The following ROCK1 variants were observed in gnomAD, a reference collection of about 807,000 sequenced individuals.
The protein encoded by ROCK1 is Rho associated coiled-coil containing protein kinase 1.
In ROCK1, 36 loss-of-function variants were observed where a neutral mutation model predicts 196.8. The ratio of observed to expected loss-of-function variants is 0.18; its 90% CI spans 0.14 to 0.24. ROCK1 has a LOEUF of 0.24. Among genes scored for constraint, ROCK1 ranks in the 10% least tolerant of loss-of-function variants. The pLI is 1.00. For missense variants in ROCK1, 920 were observed against 1,562.0 expected, an observed-to-expected ratio of 0.59 and a Z score of 6.93; for synonymous variants, 443 against 515.9, an observed-to-expected ratio of 0.86 and a Z score of 1.91.
intron 9 of ROCK1, among the ~76,000 whole-genome samples, chr18:21,035,885 A>G (rs1020880458): frequency 6.6e-6 from 1 of 152,182 alleles, no homozygotes; most frequent in Non-Finnish European, 1.5e-5. Flanking sequence ...ATTCATAGAG[A>G]CAGAAAGAAT....
intron 16 of ROCK1, among the ~76,000 whole-genome samples, chr18:21,005,190 C>T (rs983673568): frequency 2.0e-5 from 3 of 152,160 alleles, no homozygotes; most frequent in African/African-American, 7.2e-5. Flanking sequence ...TGAAAACAAA[C>T]TGAATTTTAT....
Position 20,963,003 on chromosome 18 carries a change from G to A in ROCK1, c.3353-2797C>T, listed in dbSNP as rs142271733. Among the ~76,000 whole-genome samples, 37 of 152,164 alleles carry A rather than the reference G, an allele frequency of 2.4e-4. No individual in the cohort carries two copies. The East Asian group carries it at 6.2e-3, about 25-fold the overall frequency. On this transcript the variant is annotated intron_variant, in intron 27 of 32. Coordinates refer to ENST00000399799, the MANE Select transcript of ROCK1 (RefSeq NM_005406.3). ...CGGGACCACCTGTAACTTAAGTGGT[G>A]ATCTGGAGGTATAACGCTGTAAATT...
At chr18:21,073,210 C>G (rs181158440) in intron 1 of ROCK1, among the ~76,000 whole-genome samples, 22 of 151,046 alleles carry the variant, frequency 1.5e-4, no homozygotes, top group Admixed American at 1.1e-3. Flanking sequence ...CCAGTTGTAG[C>G]AGTTACATTT....
chr18:21,079,244 T>C (rs1402192774), intron 1 of ROCK1, among the ~76,000 whole-genome samples: 3 of 152,210 alleles, frequency 2.0e-5, no homozygotes, highest in Non-Finnish European at 2.9e-5. Context: ...AGTTTTCACC[T>C]CTTCCTCACC....
At chr18:21,062,638 G>A (rs951299172) in intron 2 of ROCK1, among the ~76,000 whole-genome samples, 1 of 152,044 alleles carries the variant, frequency 6.6e-6, no homozygotes, top group Non-Finnish European at 1.5e-5. Context: ...AAGGGAATAC[G>A]CTCCCCTCCA....
At chr18:21,017,796 C>A (rs545958936) in intron 12 of ROCK1, among the ~76,000 whole-genome samples, 1 of 151,472 alleles carries the variant, frequency 6.6e-6, no homozygotes, top group African/African-American at 2.4e-5. Context: ...CACAGTGAAA[C>A]CCCGTCTCTA....
At chr18:21,061,424 C>CTA (rs1351706682) in intron 2 of ROCK1, among the ~76,000 whole-genome samples, 9 of 152,252 alleles carry the variant, frequency 5.9e-5, no homozygotes, top group African/African-American at 1.9e-4. Flanking sequence ...AATCAAAAGG[C>CTA]TATACACTGT....
At chr18:20,976,460 T>A (rs1440626189) in intron 22 of ROCK1, among the ~76,000 whole-genome samples, 1 of 152,094 alleles carries the variant, frequency 6.6e-6, no homozygotes, top group Non-Finnish European at 1.5e-5. Context: ...TCTTGAAAAA[T>A]CAGAAGATCC....
At chr18:20,991,627 T>C (rs1286337792) in intron 17 of ROCK1, among the ~76,000 whole-genome samples, 2 of 152,082 alleles carry the variant, frequency 1.3e-5, no homozygotes, top group Non-Finnish European at 2.9e-5. Context: ...ATACCATCTT[T>C]TTTTTTCTTT....
At chr18:21,059,219 C>T in intron 2 of ROCK1, among the ~76,000 whole-genome samples, 1 of 152,072 alleles carries the variant, frequency 6.6e-6, no homozygotes, top group East Asian at 1.9e-4. Context: ...TCTCTCTGTG[C>T]CTTTCCAGAT....
rs537247119 is a variant in ROCK1 at position 21,015,696 on chromosome 18, G to A, written c.1362-217C>T. 7.1e-4 allele frequency among the ~76,000 whole-genome samples: 108 copies of A among 152,114 alleles called. 1 individual carries two copies. In the South Asian group the frequency reaches 0.021, roughly 30 times the overall value. On this transcript the variant is annotated intron_variant, in intron 12 of 32. Transcript: ENST00000399799. ...TGATTAAAAGAGACAATTAGGCTGG[G>A]TACAGTGGCTCACACCTGTAATCCC...
In ROCK1 at chr18:21,048,984, T is replaced by C. The variant is rs913822612; in HGVS notation, c.414+108A>G. 55 of 939,302 alleles carry C rather than the reference T, an allele frequency of 5.9e-5. 1 individual carries two copies. The highest frequency in any genetic ancestry group is 5.6e-4 in the Admixed American group (16 of 28,568). 58.2% of individuals were successfully genotyped at this position (939,302 alleles called of 1,614,324 possible). A position where few individuals can be genotyped will look rare whatever the true frequency, so the allele number is the denominator to read the frequency against. ...TTTAAAAGGTAATTAGACAATTTTGTAACTGCCAGTAAATTCTCTACTACT... is the reference window on the plus strand; with the variant it reads ...TTTAAAAGGTAATTAGACAATTTTGCAACTGCCAGTAAATTCTCTACTACT... On this transcript the variant is annotated intron_variant, in intron 4 of 32. Coordinates refer to ENST00000399799, the MANE Select transcript of ROCK1 (RefSeq NM_005406.3).
At chr18:20,990,238 A>C (rs1239414887) in intron 18 of ROCK1, among the ~76,000 whole-genome samples, 3 of 152,162 alleles carry the variant, frequency 2.0e-5, no homozygotes, top group African/African-American at 4.8e-5. Flanking sequence ...AGAAATGAGA[A>C]AACTGAGGGT....
chr18:21,096,747 G>T (rs938015481), intron 1 of ROCK1, among the ~76,000 whole-genome samples: 1 of 151,990 alleles, frequency 6.6e-6, no homozygotes, highest in African/African-American at 2.4e-5. Flanking sequence ...TTCAGAGAAA[G>T]AAAGGGAAAA....
intron 4 of ROCK1, among the ~76,000 whole-genome samples, chr18:21,046,249 T>G (rs1024962610): frequency 1.3e-5 from 2 of 152,148 alleles, no homozygotes; most frequent in African/African-American, 4.8e-5. Flanking sequence ...GTAATTTGCT[T>G]AACCTACCCG....
chr18:21,073,063 CAAAAAAAAAAAAAAAAA>C (rs541290068), intron 1 of ROCK1, among the ~76,000 whole-genome samples: 2 of 32,746 alleles, frequency 6.1e-5, no homozygotes, highest in Non-Finnish European at 1.2e-4. Flanking sequence ...ACTCCGTCTC[CAAAAAAAAAAAAAAAAA>C]AAAAAAAAAA....
rs532515767 is a variant in ROCK1, at chr18:20,982,445, T to C, written c.2559+318A>G. Among the ~76,000 whole-genome samples the C allele has an allele frequency of 3.3e-5, 5 of 152,168 alleles. No individual in the cohort carries two copies. The South Asian group carries it at 1.0e-3, about 32-fold the overall frequency. On this transcript the variant is annotated intron_variant, in intron 21 of 32. Transcript: ENST00000399799. ...TTTTGTATTTGTAGTAGAGACGGGG[T>C]TTCACCATGTTGGCCAGGCTGGTCT...
intron 14 of ROCK1, among the ~76,000 whole-genome samples, chr18:21,007,556 G>C (rs935829510): frequency 1.3e-5 from 2 of 152,138 alleles, no homozygotes; most frequent in Non-Finnish European, 2.9e-5. Context: ...TGCAGTAGGA[G>C]TATGTACGTG....
rs554452556 is a variant in ROCK1 at position 20,979,582 on chromosome 18, A to G, written c.2654+328T>C. ...AGTTGCAGTGAGCCGAGATCATGCC[A>G]CTGCACTCCAGCCTGAGTGACAGAG... is the stretch of plus-strand genomic sequence containing the variant. On this transcript the variant is annotated intron_variant, in intron 22 of 32. Transcript: ENST00000399799. 5.3e-5 allele frequency among the ~76,000 whole-genome samples: 8 copies of G among 152,170 alleles called. No individual in the cohort carries two copies. In the East Asian group the frequency reaches 1.5e-3, roughly 29 times the overall value.
Sources: gnomAD v4.1 joint callset for allele counts (sites outside exome capture counted in the v4.1 genomes callset) on GRCh38, gnomAD v4.1.1 for gene constraint, MANE v1.5 for transcripts, NCBI Gene and HGNC (gene_info 2026-07-23, HGNC 2026-07-21) for gene names.